SETX: variants seen among roughly 807,000 people sequenced by gnomAD.
SETX encodes the protein senataxin.
A neutral mutation model predicts 227.2 loss-of-function variants in SETX; 90 were observed. That is an observed-to-expected ratio of 0.40 (90% confidence interval 0.33 to 0.47). The LOEUF (loss-of-function observed/expected upper bound fraction) is 0.47. Ranked by LOEUF, SETX falls within the 20% of genes least tolerant of loss-of-function variation. The pLI is 0.91. For synonymous variants in SETX, 1,210 were observed against 1,113.2 expected (o/e 1.09, Z -1.73); for missense variants, 3,052 against 3,181.5 (o/e 0.96, Z 0.98).
At chr9:132,292,113 C>T (rs896614375) in intron 15 of SETX, among the ~76,000 whole-genome samples, 5 of 151,924 alleles carry the variant, frequency 3.3e-5, no homozygotes, top group African/African-American at 9.7e-5. Flanking sequence ...ACCCCTAAGC[C>T]TGTGTCACAT....
At chr9:132,279,808 G>A (rs1362198782) in intron 20 of SETX, among the ~76,000 whole-genome samples, 1 of 151,924 alleles carries the variant, frequency 6.6e-6, no homozygotes, top group Non-Finnish European at 1.5e-5. Context: ...TTCTACAAAT[G>A]ACATAGATTT....
intron 13 of SETX, 114 bp from the exon 14 acceptor site, chr9:132,297,168 T>C: frequency 1.1e-6 from 1 of 883,140 alleles, no homozygotes; most frequent in Non-Finnish European, 1.8e-6. Context: ...ACAAAAGCTT[T>C]GGTTATGGTC....
chr9:132,352,249 T>G (rs541406), intron 2 of SETX, among the ~76,000 whole-genome samples: 97,237 of 152,098 alleles, frequency 0.64, 32,128 homozygotes, highest in Non-Finnish European at 0.73. Context: ...TTTCCTTACC[T>G]ACAACACACC....
At chr9:132,344,716 A>G (rs897975869) in intron 4 of SETX, among the ~76,000 whole-genome samples, 1 of 152,092 alleles carries the variant, frequency 6.6e-6, no homozygotes, top group Non-Finnish European at 1.5e-5. Context: ...TCTACTAAAA[A>G]TACAAAAAAT....
chr9:132,336,558 G>A, intron 5 of SETX, 43 bp from the exon 6 acceptor site: 1 of 1,355,298 alleles, frequency 7.4e-7, no homozygotes, highest in Non-Finnish European at 1.1e-6. Flanking sequence ...ATAAACAATG[G>A]TCTACAAACA....
chr9:132,355,057 C>A (rs1261416109), upstream of SETX: 1 of 151,154 alleles, frequency 6.6e-6, no homozygotes, highest in East Asian at 2.0e-4. Context: ...CTGAGTCGGC[C>A]GGCCGCAGGC....
Position 132,264,853 on chromosome 9 carries a change from T to G in SETX, c.7420A>C (p.Thr2474Pro). 6.2e-7 allele frequency: 1 copy of G among 1,614,052 alleles called. No homozygotes were observed. Among genetic ancestry groups the G allele is most frequent in the Non-Finnish European group, 8.5e-7 (1 of 1,180,004 alleles). The change falls in exon 26 of 26, where the codon ACT becomes CCT. Residue 2474 changes from threonine to proline, a missense_variant. Thr to Pro is a conservative substitution (Grantham distance 38). Coordinates refer to ENST00000224140, the MANE Select transcript of SETX (RefSeq NM_015046.7). Reference protein sequence around the residue: ...KLKPVLQRSLTHPPTIAPEGS... With the variant: ...KLKPVLQRSLPHPPTIAPEGS... ...TCTGGGGCTATGGTAGGAGGGTGAG[T>G]GAGACTTCTCTGCAGCACAGGCTTG...
At chr9:132,320,043 C>A (rs1334897702) in intron 10 of SETX, among the ~76,000 whole-genome samples, 1 of 152,030 alleles carries the variant, frequency 6.6e-6, no homozygotes, top group African/African-American at 2.4e-5. Flanking sequence ...AAACAGTGCA[C>A]ATGTATCCAA....
intron 5 of SETX, among the ~76,000 whole-genome samples, chr9:132,340,298 T>G (rs1192278580): frequency 6.6e-6 from 1 of 152,246 alleles, no homozygotes; most frequent in Non-Finnish European, 1.5e-5. Context: ...CACATTAGTA[T>G]CTTCCCGTAT....
intron 11 of SETX, among the ~76,000 whole-genome samples, chr9:132,301,936 G>A (rs190603120): frequency 1.3e-5 from 2 of 152,348 alleles, no homozygotes; most frequent in East Asian, 1.9e-4. Flanking sequence ...AACCACTGCT[G>A]AGAGAAACTG....
chr9:132,356,206 C>CT (rs1282552026), upstream of SETX, among the ~76,000 whole-genome samples: 3 of 151,676 alleles, frequency 2.0e-5, no homozygotes, highest in Admixed American at 2.0e-4. Flanking sequence ...CCTATCCCCC[C>CT]CCTTTTTTGT....
chr9:132,340,730 C>A (rs180875233), intron 5 of SETX, among the ~76,000 whole-genome samples: 99 of 152,328 alleles, frequency 6.5e-4, no homozygotes, highest in African/African-American at 2.3e-3. Context: ...CAGTGCCTCA[C>A]AAATATTAGG....
At chr9:132,349,210 CT>C (rs1564165670) in intron 3 of SETX, 41 bp downstream of exon 3, 1 of 1,576,312 alleles carries the variant, frequency 6.3e-7, no homozygotes. Flanking sequence ...CTCTTCCCAG[CT>C]ATCAAGCTCT....
intron 15 of SETX, among the ~76,000 whole-genome samples, chr9:132,292,178 C>G (rs1240415059): frequency 1.3e-5 from 2 of 152,096 alleles, no homozygotes; most frequent in Non-Finnish European, 2.9e-5. Flanking sequence ...GGCAGTGTCT[C>G]ATGCCTGTAA....
At chr9:132,356,531 G>T (rs1477471910), upstream of SETX, among the ~76,000 whole-genome samples, 1 of 152,088 alleles carries the variant, frequency 6.6e-6, no homozygotes, top group African/African-American at 2.4e-5. Flanking sequence ...GCCTACTACT[G>T]ACCACGATGA....
chr9:132,296,999 T>C lies in SETX; in HGVS notation c.5837A>G (p.Tyr1946Cys). The C allele has an allele frequency of 6.2e-7, 1 of 1,614,008 alleles. No homozygotes were observed. Among genetic ancestry groups the C allele is most frequent in the Non-Finnish European group, 8.5e-7 (1 of 1,179,888 alleles). Residue 1946 changes from tyrosine (Y) to cysteine (C), a missense_variant, in exon 14 of 26, where the codon TAT becomes TGT. Tyr to Cys is a radical substitution (Grantham distance 194). This residue lies in a region of SETX where 239 missense variants were observed against 272.1 expected (regional missense o/e 0.88). Transcript: ENST00000224140. ...EDQKKAIETAYAMVKHSPSVA... is the reference protein window; with the variant it reads ...EDQKKAIETACAMVKHSPSVA... Reference sequence around the variant, plus strand: ...TGATGGTGAGTGTTTCACCATAGCATATGCAGTTTCTATTGCTTTCTTTTG... The same window carrying C: ...TGATGGTGAGTGTTTCACCATAGCACATGCAGTTTCTATTGCTTTCTTTTG...
intron 7 of SETX, among the ~76,000 whole-genome samples, chr9:132,332,062 A>G (rs1204945066): frequency 6.6e-6 from 1 of 151,996 alleles, no homozygotes; most frequent in Non-Finnish European, 1.5e-5. Flanking sequence ...TTTTCATCCA[A>G]CCTCCTGCTT....
chr9:132,355,844 G>A (rs924229533), upstream of SETX, among the ~76,000 whole-genome samples: 1 of 152,016 alleles, frequency 6.6e-6, no homozygotes, highest in Admixed American at 6.6e-5. Context: ...AAGATTACCT[G>A]GGCGTGGTGG....
chr9:132,310,485 AAG>A (rs1445306042), intron 11 of SETX, among the ~76,000 whole-genome samples: 1 of 152,214 alleles, frequency 6.6e-6, no homozygotes, highest in Non-Finnish European at 1.5e-5. Context: ...CTGTGCAGAA[AAG>A]AGTTAACATA....
Sources: allele counts gnomAD v4.1 joint callset (sites outside exome capture counted in the v4.1 genomes callset), GRCh38; gene constraint gnomAD v4.1.1; regional missense constraint gnomAD v4.1.1; transcripts MANE v1.5; gene names NCBI Gene and HGNC (gene_info 2026-07-23, HGNC 2026-07-21).